The following RTL4 variants were observed in gnomAD, a reference collection of about 807,000 sequenced individuals.
RTL4 encodes the protein retrotransposon Gag-like protein 4.
RTL4 carries 4 observed loss-of-function variants against 5.3 expected under a neutral mutation model. The ratio of observed to expected loss-of-function variants is 0.75; its 90% confidence interval spans 0.37 to 1.72. The LOEUF (loss-of-function observed/expected upper bound fraction) is 1.72, where lower values mean the gene tolerates loss of function less well. Among genes scored for constraint, RTL4 ranks in the 40% most tolerant of loss-of-function variants. The probability of loss-of-function intolerance (pLI) is 0.04; values close to 1 mark genes in which losing one functional copy is unlikely to be tolerated. For synonymous variants in RTL4, 98 were observed against 87.3 expected (o/e 1.12, Z -0.68); for missense variants, 260 against 227.1 (o/e 1.14, Z -0.93).
the RTL4 span, among the ~76,000 whole-genome samples, chrX:112,448,136 A>G: frequency 8.9e-6 from 1 of 112,013 alleles, no homozygotes; most frequent in Non-Finnish European, 1.9e-5. Flanking sequence ...TAATGAATTA[A>G]AGACGAAAGA....
chrX:112,420,496 G>A, the RTL4 span, among the ~76,000 whole-genome samples: 1 of 111,838 alleles, frequency 8.9e-6, no homozygotes, highest in Non-Finnish European at 1.9e-5. Flanking sequence ...ATGTTAGGCA[G>A]TGCACAGAGG....
the RTL4 span, among the ~76,000 whole-genome samples, chrX:112,236,758 G>T: frequency 1.8e-3 from 201 of 109,543 alleles, 1 homozygote; most frequent in African/African-American, 6.3e-3. Context: ...TAATGCCTCA[G>T]TTCACACAAA....
the RTL4 span, among the ~76,000 whole-genome samples, chrX:112,218,302 A>G: frequency 9.0e-6 from 1 of 111,516 alleles, no homozygotes; most frequent in Non-Finnish European, 1.9e-5. Flanking sequence ...TGGTTTCCCT[A>G]TCTCTGTGAT....
chrX:112,241,650 G>T, the RTL4 span, among the ~76,000 whole-genome samples: 1 of 111,964 alleles, frequency 8.9e-6, no homozygotes, highest in Non-Finnish European at 1.9e-5. Flanking sequence ...TAGGTTGCCT[G>T]TTCACTCTGT....
At chrX:112,084,231 G>T in the RTL4 span, among the ~76,000 whole-genome samples, 4 of 111,327 alleles carry the variant, frequency 3.6e-5, no homozygotes, top group African/African-American at 9.8e-5. Flanking sequence ...TCTCCTCCTA[G>T]CCTACCTTGG....
the RTL4 span, among the ~76,000 whole-genome samples, chrX:112,203,242 A>G: frequency 9.0e-6 from 1 of 111,627 alleles, no homozygotes; most frequent in African/African-American, 3.3e-5. Flanking sequence ...ACAAAGAAAA[A>G]GTATTTAATT....
the RTL4 span, among the ~76,000 whole-genome samples, chrX:112,273,480 C>T: frequency 9.0e-6 from 1 of 111,410 alleles, no homozygotes; most frequent in South Asian, 3.8e-4. Context: ...TCTCAATCTC[C>T]TGACCTTGTG....
At chrX:112,105,688 T>G in the RTL4 span, among the ~76,000 whole-genome samples, 1 of 111,564 alleles carries the variant, frequency 9.0e-6, no homozygotes, top group Admixed American at 9.5e-5. Context: ...TCTGAAAATT[T>G]TCTGTTAGTG....
the RTL4 span, among the ~76,000 whole-genome samples, chrX:112,148,982 A>G: frequency 1.8e-5 from 2 of 111,780 alleles, no homozygotes; most frequent in Non-Finnish European, 3.8e-5. Flanking sequence ...GGGGGAAGGC[A>G]GTCTCCTATC....
chrX:112,413,226 G>A, the RTL4 span, among the ~76,000 whole-genome samples: 1 of 111,566 alleles, frequency 9.0e-6, no homozygotes, highest in Non-Finnish European at 1.9e-5. Context: ...GCAGGGATGT[G>A]GAGAAAAGAG....
chrX:112,339,458 A>G, the RTL4 span, among the ~76,000 whole-genome samples: 3 of 112,101 alleles, frequency 2.7e-5, no homozygotes, highest in African/African-American at 9.7e-5. Context: ...AAAGACAAAG[A>G]TAAGAGTGAG....
chrX:112,419,593 ATTTTTACATATG>A, the RTL4 span, among the ~76,000 whole-genome samples: 20 of 49,537 alleles, frequency 4.0e-4, no homozygotes, highest in Non-Finnish European at 5.4e-4. Context: ...ATATATATAT[ATTTTTACATATG>A]TATATGTATA....
the RTL4 span, among the ~76,000 whole-genome samples, chrX:112,441,211 A>G: frequency 1.8e-5 from 2 of 110,524 alleles, no homozygotes; most frequent in Admixed American, 9.7e-5. Flanking sequence ...AACTCATTCT[A>G]TTGTTAGGCA....
At chrX:112,132,268 A>G in the RTL4 span, among the ~76,000 whole-genome samples, 1 of 111,649 alleles carries the variant, frequency 9.0e-6, no homozygotes, top group Non-Finnish European at 1.9e-5. Flanking sequence ...CAAAGATTCA[A>G]TTTGATTAGT....
the RTL4 span, among the ~76,000 whole-genome samples, chrX:112,210,355 G>A: frequency 8.9e-6 from 1 of 111,773 alleles, no homozygotes; most frequent in African/African-American, 3.3e-5. Context: ...GCTTCCTCAC[G>A]TACAAAATGA....
At chrX:112,229,019 CA>C in the RTL4 span, among the ~76,000 whole-genome samples, 63 of 111,439 alleles carry the variant, frequency 5.7e-4, no homozygotes, top group African/African-American at 2.0e-3. Context: ...ACATTTATGC[CA>C]AAAAAAGGTG....
chrX:112,208,058 T>C, the RTL4 span, among the ~76,000 whole-genome samples: 1 of 111,779 alleles, frequency 8.9e-6, no homozygotes, highest in African/African-American at 3.2e-5. Flanking sequence ...TAGGGACTTG[T>C]GGCATTGAGA....
chrX:112,317,394 C>G, the RTL4 span, among the ~76,000 whole-genome samples: 1 of 112,028 alleles, frequency 8.9e-6, no homozygotes, highest in African/African-American at 3.2e-5. Flanking sequence ...GTATTCTTTA[C>G]TGGGCAGTCA....
the RTL4 span, among the ~76,000 whole-genome samples, chrX:112,170,989 G>A: frequency 9.4e-3 from 1,049 of 111,286 alleles, 11 homozygotes; most frequent in African/African-American, 0.032. Flanking sequence ...CCACTTTTGC[G>A]TCTATTGAGA....
Sources: allele counts gnomAD v4.1 joint callset (sites outside exome capture counted in the v4.1 genomes callset), GRCh38; gene constraint gnomAD v4.1.1; transcripts MANE v1.5; gene names NCBI Gene and HGNC (gene_info 2026-07-23, HGNC 2026-07-21).